Variants in GABRA5 observed in about 807,000 individuals in gnomAD.
GABRA5 encodes gamma-aminobutyric acid receptor subunit alpha-5.
Under a neutral mutation model 47.3 loss-of-function variants are expected in GABRA5, and 18 were observed. The ratio of observed to expected loss-of-function variants is 0.38; its 90% CI spans 0.26 to 0.56. GABRA5 has a LOEUF of 0.56. Ranked by LOEUF, GABRA5 falls within the 20% of genes least tolerant of loss-of-function variation. The probability of loss-of-function intolerance (pLI) is 0.71; values close to 1 mark genes in which losing one functional copy is unlikely to be tolerated. For synonymous variants in GABRA5, 237 were observed against 229.3 expected (o/e 1.03, Z -0.30); for missense variants, 365 against 599.3 (o/e 0.61, Z 4.08).
chr15:26,902,160 A>C (rs556557203), intron 6 of GABRA5, among the ~76,000 whole-genome samples: 59 of 152,146 alleles, frequency 3.9e-4, no homozygotes, highest in African/African-American at 1.4e-3. Flanking sequence ...TATTAGAATC[A>C]GTTTGTTAAT....
chr15:26,876,306 G>C (rs965900726), intron 3 of GABRA5, among the ~76,000 whole-genome samples: 1 of 152,144 alleles, frequency 6.6e-6, no homozygotes, highest in African/African-American at 2.4e-5. Context: ...CATACTTTGG[G>C]AGGCATTTAA....
At chr15:26,897,729 C>T (rs1893233788) in intron 6 of GABRA5, among the ~76,000 whole-genome samples, 1 of 152,188 alleles carries the variant, frequency 6.6e-6, no homozygotes, top group South Asian at 2.1e-4. Context: ...CCTCTCGTTA[C>T]TTTCCCTGTT....
At chr15:26,941,406 T>A (rs1191157267) in intron 9 of GABRA5, among the ~76,000 whole-genome samples, 3 of 152,028 alleles carry the variant, frequency 2.0e-5, no homozygotes, top group African/African-American at 2.4e-5. Flanking sequence ...CATAGAACAC[T>A]TCCCCCGCAA....
chr15:26,889,898 T>G (rs1456875679), intron 6 of GABRA5, among the ~76,000 whole-genome samples: 1 of 152,224 alleles, frequency 6.6e-6, no homozygotes, highest in Admixed American at 6.5e-5. Context: ...TGAATACATA[T>G]GTGTATGTCT....
At chr15:26,911,784 G>A (rs532657286) in intron 6 of GABRA5, among the ~76,000 whole-genome samples, 1 of 152,302 alleles carries the variant, frequency 6.6e-6, no homozygotes, top group Non-Finnish European at 1.5e-5. Context: ...GACTCTCCAA[G>A]TTGTCAGGAA....
intron 7 of GABRA5, among the ~76,000 whole-genome samples, chr15:26,923,991 T>C (rs943812584): frequency 4.0e-4 from 61 of 152,040 alleles, no homozygotes; most frequent in African/African-American, 1.4e-3. Context: ...TTGTACTTGG[T>C]CGTTGCATCA....
chr15:26,893,182 G>GGT (rs529958405), intron 6 of GABRA5, among the ~76,000 whole-genome samples: 13 of 147,706 alleles, frequency 8.8e-5, no homozygotes, highest in Non-Finnish European at 1.5e-4. Flanking sequence ...TGTGGTGTGT[G>GGT]GTGTGTGTGT....
chr15:26,926,008 G>C (rs1193683345), intron 7 of GABRA5, among the ~76,000 whole-genome samples: 2 of 152,138 alleles, frequency 1.3e-5, no homozygotes, highest in Non-Finnish European at 2.9e-5. Context: ...CTCTCTTGTG[G>C]TTCTTTTCCT....
intron 7 of GABRA5, among the ~76,000 whole-genome samples, chr15:26,920,985 C>T (rs1893830398): frequency 6.6e-6 from 1 of 152,168 alleles, no homozygotes; most frequent in Non-Finnish European, 1.5e-5. Flanking sequence ...ACATTCCTGC[C>T]TTGCAGCCCT....
chr15:26,893,997 C>T (rs1216963464), intron 6 of GABRA5, among the ~76,000 whole-genome samples: 1 of 152,074 alleles, frequency 6.6e-6, no homozygotes, highest in East Asian at 1.9e-4. Context: ...TTCCTTTGGG[C>T]CTCCAGGAGT....
chr15:26,941,158 G>A (rs907165797), intron 9 of GABRA5, among the ~76,000 whole-genome samples: 6 of 152,276 alleles, frequency 3.9e-5, no homozygotes, highest in Non-Finnish European at 7.3e-5. Context: ...AAGCCTGAGC[G>A]AGCATCAGGA....
chr15:26,871,641 C>T (rs73363954), intron 3 of GABRA5, among the ~76,000 whole-genome samples: 2,886 of 152,292 alleles, frequency 0.019, 80 homozygotes, highest in African/African-American at 0.065. Flanking sequence ...GGTGCACTGA[C>T]TTCCCCTTGC....
intron 6 of GABRA5, among the ~76,000 whole-genome samples, chr15:26,894,073 C>CT (rs1246728683): frequency 6.6e-6 from 1 of 152,106 alleles, no homozygotes; most frequent in Non-Finnish European, 1.5e-5. Context: ...CCCAGACGCC[C>CT]TTTGCACTGA....
chr15:26,877,109 G>A (rs181408853), intron 3 of GABRA5, among the ~76,000 whole-genome samples: 3 of 152,310 alleles, frequency 2.0e-5, no homozygotes, highest in Non-Finnish European at 4.4e-5. Context: ...GGGATTTTAG[G>A]ATTTGGCAGG....
In GABRA5 at chr15:26,935,053, C is replaced by A. The variant is rs559297283; in HGVS notation, c.581-2132C>A. Among the ~76,000 whole-genome samples the A allele has an allele frequency of 4.6e-5, 7 of 152,114 alleles. No individual in the cohort carries two copies. The East Asian group carries it at 1.4e-3, about 29-fold the overall frequency. ...CTGATTGCCTCATTTACTCTTGTCC[C>A]GGCAAAAAGATTGAACGCCACACTG... On this transcript the variant is annotated intron_variant, in intron 7 of 10. Transcript: ENST00000335625.
chr15:26,874,952 G>T (rs995913087), intron 3 of GABRA5, among the ~76,000 whole-genome samples: 1 of 152,186 alleles, frequency 6.6e-6, no homozygotes, highest in Non-Finnish European at 1.5e-5. Context: ...TAGCTGCCCG[G>T]CTTCGATCTC....
chr15:26,935,056 C>G (rs1428842865), intron 7 of GABRA5, among the ~76,000 whole-genome samples: 2 of 152,106 alleles, frequency 1.3e-5, no homozygotes, highest in Non-Finnish European at 2.9e-5. Context: ...CTTGTCCCGG[C>G]AAAAAGATTG....
Position 26,867,088 on chromosome 15 carries a change from G to A in GABRA5, c.-163G>A, listed in dbSNP as rs1265498075. ...CAGAGGGCCGATCCTCCAGCCCAGA[G>A]ACGACATGTGGCGCTCGGGCGAGGT... On this transcript the variant is annotated 5_prime_UTR_variant, in exon 1 of 11. Transcript: ENST00000335625. This position sits in a 1 kb window ranked among gnomAD's most constrained non-coding sequence, Gnocchi z 5.9. 3 of 152,310 alleles carry A rather than the reference G, an allele frequency of 2.0e-5. No individual in the cohort carries two copies. The highest frequency in any genetic ancestry group is 7.2e-5 in the African/African-American group (3 of 41,424). 9.4% of individuals were successfully genotyped at this position (152,310 alleles called of 1,614,324 possible). A position where few individuals can be genotyped will look rare whatever the true frequency, so the allele number is the denominator to read the frequency against.
Position 26,881,028 on chromosome 15 carries a change from C to A in GABRA5, c.208+61C>A. ...TCCAGGAAGGGCTTAAGTCTCGTCT[C>A]AAGCTTGTGTTTGCGCTGATTCAAA... On this transcript the variant is annotated intron_variant, in intron 4 of 10. Coordinates refer to ENST00000335625, the MANE Select transcript of GABRA5 (RefSeq NM_000810.4). 10 of 1,577,762 alleles carry A rather than the reference C, an allele frequency of 6.3e-6. No individual in the cohort carries two copies. In the South Asian group the frequency reaches 9.4e-5, roughly 15 times the overall value.
Sources: gnomAD v4.1 joint callset for allele counts (sites outside exome capture counted in the v4.1 genomes callset) on GRCh38, gnomAD v4.1.1 for gene constraint, Gnocchi (gnomAD v3.1) non-coding constraint, MANE v1.5 for transcripts, NCBI Gene and HGNC (gene_info 2026-07-23, HGNC 2026-07-21) for gene names.